Variants in HCN1 observed in about 807,000 individuals in gnomAD.
HCN1 encodes potassium/sodium hyperpolarization-activated cyclic nucleotide-gated channel 1.
In HCN1, 13 loss-of-function variants were observed where a neutral mutation model predicts 78.9. That is an observed-to-expected ratio of 0.16 (90% CI 0.11 to 0.26). The LOEUF is 0.26. HCN1 is among the 10% of genes least tolerant of loss of function. The pLI is 1.00. For missense variants in HCN1, 810 were observed against 1,154.3 expected (o/e 0.70, Z 4.32); for synonymous variants, 552 against 455.5 (o/e 1.21, Z -2.70).
At chr5:45,684,664 C>A (rs13158995) in intron 1 of HCN1, among the ~76,000 whole-genome samples, 5 of 152,246 alleles carry the variant, frequency 3.3e-5, no homozygotes, top group South Asian at 4.2e-4. Flanking sequence ...AGCTCAAGAC[C>A]AGCCTGACCA....
intron 5 of HCN1, among the ~76,000 whole-genome samples, chr5:45,351,605 G>T (rs1380699668): frequency 7.9e-6 from 1 of 126,838 alleles, no homozygotes; most frequent in Non-Finnish European, 1.6e-5. Context: ...CAACATGGGA[G>T]AAAATTTTCG....
At chr5:45,432,825 G>A (rs1295388049) in intron 3 of HCN1, among the ~76,000 whole-genome samples, 1 of 152,070 alleles carries the variant, frequency 6.6e-6, no homozygotes, top group African/African-American at 2.4e-5. Flanking sequence ...ATCTGAGACT[G>A]GGTAATTTAT....
At chr5:45,325,300 A>C (rs1009657761) in intron 5 of HCN1, among the ~76,000 whole-genome samples, 1 of 151,792 alleles carries the variant, frequency 6.6e-6, no homozygotes, top group Admixed American at 6.6e-5. Context: ...CTCTGTCATT[A>C]ATAAAACACT....
intron 3 of HCN1, among the ~76,000 whole-genome samples, chr5:45,454,938 G>A (rs1311422631): frequency 6.6e-6 from 1 of 151,960 alleles, no homozygotes; most frequent in Non-Finnish European, 1.5e-5. Flanking sequence ...CATTTATTGG[G>A]ATGATTATAG....
At chr5:45,377,554 C>T (rs924958946) in intron 4 of HCN1, among the ~76,000 whole-genome samples, 6 of 151,568 alleles carry the variant, frequency 4.0e-5, no homozygotes, top group African/African-American at 1.2e-4. Flanking sequence ...TGAAACTAAC[C>T]GAGAGCAAAG....
chr5:45,389,018 T>A (rs1286978014), intron 4 of HCN1, among the ~76,000 whole-genome samples: 1 of 152,128 alleles, frequency 6.6e-6, no homozygotes, highest in Non-Finnish European at 1.5e-5. Flanking sequence ...TAACATTTTT[T>A]AAAAATGGCA....
chr5:45,669,951 C>G (rs1352591935), intron 1 of HCN1, among the ~76,000 whole-genome samples: 1 of 151,606 alleles, frequency 6.6e-6, no homozygotes, highest in African/African-American at 2.4e-5. Context: ...TGTTTCCCAT[C>G]CCCCTCTGTA....
chr5:45,502,134 T>C (rs1056031386), intron 2 of HCN1, among the ~76,000 whole-genome samples: 8 of 152,026 alleles, frequency 5.3e-5, no homozygotes, highest in African/African-American at 1.9e-4. Flanking sequence ...TCCAAATGCA[T>C]AGAAAAGAAT....
chr5:45,337,676 G>T (rs1325653901), intron 5 of HCN1, among the ~76,000 whole-genome samples: 1 of 152,038 alleles, frequency 6.6e-6, no homozygotes, highest in African/African-American at 2.4e-5. Flanking sequence ...GCAGAACAGG[G>T]AATGAACAAA....
chr5:45,413,389 T>C (rs1029340467), intron 3 of HCN1, among the ~76,000 whole-genome samples: 4 of 152,106 alleles, frequency 2.6e-5, no homozygotes, highest in Non-Finnish European at 5.9e-5. Context: ...TTGATATTCT[T>C]TGTAAACCAG....
At chr5:45,350,823 G>A (rs1169394592) in intron 5 of HCN1, among the ~76,000 whole-genome samples, 22 of 152,228 alleles carry the variant, frequency 1.4e-4, no homozygotes, top group Middle Eastern at 6.8e-3. Flanking sequence ...TACAAGGGAC[G>A]TGAAGGACCT....
intron 2 of HCN1, among the ~76,000 whole-genome samples, chr5:45,640,108 C>G: frequency 6.6e-6 from 1 of 152,164 alleles, no homozygotes; most frequent in Non-Finnish European, 1.5e-5. Context: ...TGCTCACTCC[C>G]TTATTTGTGC....
chr5:45,643,485 T>A (rs1745492750), intron 2 of HCN1: 1 of 152,136 alleles, frequency 6.6e-6, no homozygotes, highest in Admixed American at 6.6e-5. Flanking sequence ...AAGTTCCCTA[T>A]AATTCGTTAG....
intron 1 of HCN1, among the ~76,000 whole-genome samples, chr5:45,649,410 C>A (rs761609104): frequency 3.9e-5 from 6 of 152,146 alleles, no homozygotes; most frequent in Non-Finnish European, 7.4e-5. Context: ...GATGAACCTA[C>A]ACTGACATCT....
chr5:45,321,692 T>C (rs572121669), intron 5 of HCN1, among the ~76,000 whole-genome samples: 11 of 151,478 alleles, frequency 7.3e-5, no homozygotes, highest in African/African-American at 2.2e-4. Context: ...TGCCATATTT[T>C]ACACACATAC....
Position 45,372,544 on chromosome 5 carries a change from TA to T in HCN1, c.1231-19299del, listed in dbSNP as rs1458999950. Reference sequence around the variant, plus strand: ...TAAAAATATATAAAACATTTACATATAAAAATATATAAAACATTTACATATA... The same window carrying T: ...TAAAAATATATAAAACATTTACATATAAAATATATAAAACATTTACATATA... On this transcript the variant is annotated intron_variant, in intron 4 of 7. Transcript: ENST00000303230. Among the ~76,000 whole-genome samples, 55 of 124,440 alleles carry T rather than the reference TA, an allele frequency of 4.4e-4. No homozygotes were observed. In the East Asian group the frequency reaches 8.3e-3, roughly 19 times the overall value. 81.6% of individuals were successfully genotyped at this position (124,440 alleles called of 152,430 possible).
intron 3 of HCN1, among the ~76,000 whole-genome samples, chr5:45,426,979 TATA>T (rs1740364065): frequency 1.3e-5 from 2 of 152,084 alleles, no homozygotes; most frequent in Middle Eastern, 6.8e-3. Context: ...TGGCTATAAT[TATA>T]ATAAATATAC....
intron 5 of HCN1, among the ~76,000 whole-genome samples, chr5:45,340,113 G>A (rs1746544973): frequency 6.6e-6 from 1 of 151,984 alleles, no homozygotes; most frequent in Non-Finnish European, 1.5e-5. Flanking sequence ...TAAAGACTGG[G>A]TTTCACTATG....
chr5:45,505,794 A>T (rs891047762), intron 2 of HCN1, among the ~76,000 whole-genome samples: 13 of 152,164 alleles, frequency 8.5e-5, no homozygotes, highest in Admixed American at 1.3e-4. Context: ...ATAAATACAC[A>T]CACATCCATG....
Sources: gnomAD v4.1 joint callset for allele counts (sites outside exome capture counted in the v4.1 genomes callset) on GRCh38, gnomAD v4.1.1 for gene constraint, MANE v1.5 for transcripts, NCBI Gene and HGNC (gene_info 2026-07-23, HGNC 2026-07-21) for gene names.